Variants in FAM118A observed in about 807,000 individuals in gnomAD.
FAM118A encodes SIR2 antiphage like 2, also known as protein FAM118A.
In FAM118A, 25 loss-of-function variants were observed where a neutral mutation model predicts 38.2. That is an observed-to-expected ratio of 0.65 (90% CI 0.48 to 0.91). FAM118A has a LOEUF of 0.91. Among genes scored for constraint, FAM118A ranks in the 40% least tolerant of loss-of-function variants. FAM118A has a pLI of 0.00. For synonymous variants in FAM118A, 178 were observed against 184.1 expected (o/e 0.97, Z 0.27); for missense variants, 425 against 463.3 (o/e 0.92, Z 0.76).
chr22:45,328,454 T>A, intron 4 of FAM118A: 1 of 914,644 alleles, frequency 1.1e-6, no homozygotes, highest in Non-Finnish European at 1.9e-6. Context: ...GGAGCTGCTC[T>A]CACTTTGTAG....
intron 2 of FAM118A, 132 bp from the exon 3 acceptor site, chr22:45,323,041 CTG>C (rs3041118): frequency 0.036 from 23,799 of 652,066 alleles, 1 homozygote; most frequent in South Asian, 0.046. Context: ...TCAGAGGGGA[CTG>C]TGTGTGTGTG....
At chr22:45,339,778 G>T (rs529653415) in intron 8 of FAM118A, among the ~76,000 whole-genome samples, 3 of 152,162 alleles carry the variant, frequency 2.0e-5, no homozygotes, top group Non-Finnish European at 4.4e-5. Flanking sequence ...TTGTCCCCCC[G>T]TGGCCTACCT....
chr22:45,328,468 T>A, intron 4 of FAM118A: 1 of 871,558 alleles, frequency 1.1e-6, no homozygotes, highest in Non-Finnish European at 2.0e-6. Context: ...TTTGTAGCAG[T>A]GAATTACTAA....
In FAM118A at chr22:45,340,621, T is replaced by C; in HGVS notation, c.*216T>C. ...GAGGGTGACGCGGACACATTTCAGG[T>C]GGACTTTGCAAGGACTGATGGATAG... On this transcript the variant is annotated 3_prime_UTR_variant, in exon 9 of 9. Coordinates refer to ENST00000441876, the MANE Select transcript of FAM118A (RefSeq NM_017911.4). 3.4e-6 allele frequency: 2 copies of C among 595,588 alleles called. No individual in the cohort carries two copies. The highest frequency in any genetic ancestry group is 6.0e-6 in the Non-Finnish European group (2 of 334,832). The allele number at this position is 595,588 out of a possible 1,614,324, so 36.9% of individuals were successfully genotyped here.
At chr22:45,321,789 A>G (rs1264866139) in intron 1 of FAM118A, 2 of 155,798 alleles carry the variant, frequency 1.3e-5, no homozygotes, top group South Asian at 1.9e-4. Context: ...CTGTTTTTAT[A>G]TAAGGTAAGA....
intron 2 of FAM118A, 66 bp from the exon 3 acceptor site, chr22:45,323,109 C>A: frequency 6.4e-7 from 1 of 1,555,770 alleles, no homozygotes; most frequent in Non-Finnish European, 8.8e-7. Flanking sequence ...GCAGACAGTT[C>A]CAGACTTTGT....
At chr22:45,336,446 C>G (rs747273915) in intron 8 of FAM118A, 35 bp downstream of exon 8, 88 of 1,567,448 alleles carry the variant, frequency 5.6e-5, no homozygotes, top group Non-Finnish European at 7.5e-5. Flanking sequence ...GGAGCTGCCT[C>G]GGGTCTCTCT....
intron 1 of FAM118A, among the ~76,000 whole-genome samples, chr22:45,311,805 G>A (rs1265930948): frequency 1.3e-5 from 2 of 152,166 alleles, no homozygotes; most frequent in South Asian, 2.1e-4. Flanking sequence ...TTTCTGGAAC[G>A]GGGCTAAGCT....
chr22:45,329,807 A>G (rs532569693), intron 4 of FAM118A: 5 of 152,366 alleles, frequency 3.3e-5, no homozygotes, highest in Admixed American at 1.3e-4. Flanking sequence ...CATAAACAGA[A>G]CTGCCAGCTG....
chr22:45,335,913 G>C (rs139314013), intron 7 of FAM118A, among the ~76,000 whole-genome samples: 1 of 152,208 alleles, frequency 6.6e-6, no homozygotes, highest in African/African-American at 2.4e-5. Flanking sequence ...TCCCCTTGCC[G>C]AATCATTTGG....
At chr22:45,325,578 A>C (rs1414242825) in intron 3 of FAM118A, among the ~76,000 whole-genome samples, 1 of 152,126 alleles carries the variant, frequency 6.6e-6, no homozygotes, top group Non-Finnish European at 1.5e-5. Flanking sequence ...CCAGGGTGCT[A>C]GAGAGGTGGG....
chr22:45,315,325 C>T (rs1030070133), intron 1 of FAM118A, among the ~76,000 whole-genome samples: 2 of 152,012 alleles, frequency 1.3e-5, no homozygotes, highest in African/African-American at 4.8e-5. Flanking sequence ...AAGTGGAGTG[C>T]GTTCAAATTA....
intron 1 of FAM118A, among the ~76,000 whole-genome samples, chr22:45,315,093 A>G (rs908820407): frequency 4.6e-5 from 7 of 152,180 alleles, no homozygotes; most frequent in Admixed American, 6.5e-5. Context: ...GCAGTAATTA[A>G]TGTTGCTCTT....
intron 3 of FAM118A, among the ~76,000 whole-genome samples, chr22:45,325,675 G>A (rs1195990680): frequency 6.6e-6 from 1 of 152,186 alleles, no homozygotes; most frequent in Non-Finnish European, 1.5e-5. Flanking sequence ...GGCCTTGGGG[G>A]CTGTATGTGT....
intron 8 of FAM118A, among the ~76,000 whole-genome samples, chr22:45,337,635 G>A (rs1229618089): frequency 6.6e-6 from 1 of 151,718 alleles, no homozygotes; most frequent in Non-Finnish European, 1.5e-5. Context: ...TCTTCATCCT[G>A]CCACCCCACA....
intron 1 of FAM118A, among the ~76,000 whole-genome samples, chr22:45,315,510 C>T (rs1351303415): frequency 6.6e-6 from 1 of 152,192 alleles, no homozygotes; most frequent in Non-Finnish European, 1.5e-5. Flanking sequence ...AGACACTGTA[C>T]ACTTTATTAA....
intron 6 of FAM118A, among the ~76,000 whole-genome samples, chr22:45,333,510 T>G (rs1463854225): frequency 6.6e-6 from 1 of 151,814 alleles, no homozygotes; most frequent in African/African-American, 2.4e-5. Flanking sequence ...CCGTCTCTAC[T>G]AAAAATACAA....
chr22:45,336,484 C>T (rs2086105713), intron 8 of FAM118A, 73 bp downstream of exon 8: 2 of 1,233,346 alleles, frequency 1.6e-6, no homozygotes, highest in Non-Finnish European at 2.4e-6. Flanking sequence ...AGGGACCGTG[C>T]TGCGCTTTAA....
At chr22:45,326,958 C>A (rs903408616) in intron 3 of FAM118A, among the ~76,000 whole-genome samples, 2 of 150,408 alleles carry the variant, frequency 1.3e-5, no homozygotes, top group African/African-American at 4.9e-5. Flanking sequence ...TGCAGAGGGC[C>A]GTGATCGTGC....
Sources: gnomAD v4.1 joint callset for allele counts (sites outside exome capture counted in the v4.1 genomes callset) on GRCh38, gnomAD v4.1.1 for gene constraint, MANE v1.5 for transcripts, NCBI Gene and HGNC (gene_info 2026-07-23, HGNC 2026-07-21) for gene names.